ENAH: variants seen among roughly 807,000 people sequenced by gnomAD.
ENAH encodes the protein ENAH actin regulator, also known as protein enabled homolog.
In ENAH, 23 loss-of-function variants were observed where a neutral mutation model predicts 78.7. That is an observed-to-expected ratio of 0.29 (90% CI 0.21 to 0.41). The LOEUF is 0.41. Among genes scored for constraint, ENAH ranks in the 10% least tolerant of loss-of-function variants. The pLI is 1.00. For missense variants in ENAH, 544 were observed against 691.0 expected (o/e 0.79, Z 2.39); for synonymous variants, 226 against 241.0 (o/e 0.94, Z 0.58).
At chr1:225,503,293 A>G (rs2151057303) in intron 11 of ENAH, among the ~76,000 whole-genome samples, 1 of 152,274 alleles carries the variant, frequency 6.6e-6, no homozygotes, top group Middle Eastern at 3.4e-3. Context: ...ACTACATTTA[A>G]AAAATATATG....
intron 1 of ENAH, among the ~76,000 whole-genome samples, chr1:225,617,359 C>T (rs1655952562): frequency 6.6e-6 from 1 of 152,102 alleles, no homozygotes; most frequent in African/African-American, 2.4e-5. Context: ...TCCTTTCATA[C>T]CACAAAAGAC....
intron 1 of ENAH, among the ~76,000 whole-genome samples, chr1:225,590,619 G>A (rs1248945225): frequency 6.6e-6 from 1 of 151,792 alleles, no homozygotes; most frequent in African/African-American, 2.4e-5. Flanking sequence ...CCCAGATGAA[G>A]GATACCAAAA....
At chr1:225,536,646 A>C (rs2096563121) in intron 3 of ENAH, among the ~76,000 whole-genome samples, 2 of 152,122 alleles carry the variant, frequency 1.3e-5, no homozygotes, top group Non-Finnish European at 2.9e-5. Flanking sequence ...AGTTTTAGAA[A>C]AATCAGAACC....
At chr1:225,589,827 T>G (rs1164280958) in intron 1 of ENAH, among the ~76,000 whole-genome samples, 1 of 152,142 alleles carries the variant, frequency 6.6e-6, no homozygotes, top group Non-Finnish European at 1.5e-5. Flanking sequence ...CCATTCTGTA[T>G]TCTTGAAATT....
At chr1:225,599,035 C>T (rs1188366877) in intron 1 of ENAH, among the ~76,000 whole-genome samples, 1 of 152,136 alleles carries the variant, frequency 6.6e-6, no homozygotes, top group African/African-American at 2.4e-5. Flanking sequence ...GGAAAACTGC[C>T]ATCAGGTGCC....
chr1:225,611,939 G>A (rs552625884), intron 1 of ENAH, among the ~76,000 whole-genome samples: 12 of 152,240 alleles, frequency 7.9e-5, no homozygotes, highest in East Asian at 3.9e-4. Flanking sequence ...TAATGTATTC[G>A]TGAGGATATG....
chr1:225,545,945 C>T (rs1460020685), intron 3 of ENAH, among the ~76,000 whole-genome samples: 1 of 119,908 alleles, frequency 8.3e-6, no homozygotes, highest in African/African-American at 3.2e-5. Flanking sequence ...TTTAAAGACA[C>T]AGGGCCTCAC....
chr1:225,498,225 C>T, intron 13 of ENAH, 122 bp downstream of exon 13: 1 of 746,444 alleles, frequency 1.3e-6, no homozygotes, highest in African/African-American at 1.8e-5. Flanking sequence ...CCTAAAAGGG[C>T]AGGACTATGG....
chr1:225,530,678 A>G, intron 3 of ENAH, 40 bp from the exon 4 acceptor site: 1 of 1,431,540 alleles, frequency 7.0e-7, no homozygotes, highest in East Asian at 2.3e-5. Context: ...CATTATTTTC[A>G]TATCTAGCTG....
chr1:225,527,978 C>T (rs1315647697), intron 4 of ENAH, among the ~76,000 whole-genome samples: 2 of 152,206 alleles, frequency 1.3e-5, no homozygotes, highest in East Asian at 3.9e-4. Context: ...CTCTAAAAGG[C>T]CATTTACCAG....
chr1:225,583,940 G>A (rs1210216946), intron 1 of ENAH, among the ~76,000 whole-genome samples: 1 of 152,082 alleles, frequency 6.6e-6, no homozygotes, highest in Non-Finnish European at 1.5e-5. Context: ...ATCACTTGAG[G>A]CCAGGGGTTC....
Position 225,494,388 on chromosome 1 carries a change from T to G in ENAH, c.*3387A>C, listed in dbSNP as rs1377328853. On this transcript the variant is annotated 3_prime_UTR_variant, in exon 14 of 14. Transcript: ENST00000366843. ...TTTTGCTATACTTAAAATTCATTAC[T>G]CAATAATGCCCTTTACCACACAATG... 2.0e-5 allele frequency: 3 copies of G among 152,304 alleles called. No individual in the cohort carries two copies. Among genetic ancestry groups the G allele is most frequent in the Non-Finnish European group, 4.4e-5 (3 of 68,004 alleles). 9.4% of individuals were successfully genotyped at this position (152,304 alleles called of 1,614,324 possible).
rs544941047 is a variant in ENAH at position 225,613,673 on chromosome 1, T to C, written c.5+39013A>G. 5.9e-5 allele frequency among the ~76,000 whole-genome samples: 9 copies of C among 152,060 alleles called. No homozygotes were observed. The South Asian group carries it at 8.3e-4, about 14-fold the overall frequency. ...CAGCCATAACAACAAAAATAACTAA[T>C]TATAAACTCTTCCTAATAAGGGATA... On this transcript the variant is annotated intron_variant, in intron 1 of 13. Coordinates refer to ENST00000366843, the MANE Select transcript of ENAH (RefSeq NM_018212.6).
chr1:225,616,315 ATGATC>A, intron 1 of ENAH, among the ~76,000 whole-genome samples: 1 of 151,678 alleles, frequency 6.6e-6, no homozygotes, highest in African/African-American at 2.4e-5. Context: ...ACACCCAAGA[ATGATC>A]AATAAATACT....
At chr1:225,566,246 AGTTTTTTTGTGT>A (rs2096734249) in intron 2 of ENAH, among the ~76,000 whole-genome samples, 1 of 151,524 alleles carries the variant, frequency 6.6e-6, no homozygotes, top group Non-Finnish European at 1.5e-5. Context: ...TAAGATTGCT[AGTTTTTTTGTGT>A]GTTTTTTTGT....
intron 4 of ENAH, among the ~76,000 whole-genome samples, chr1:225,528,107 G>A (rs2096518985): frequency 2.6e-5 from 4 of 152,056 alleles, no homozygotes; most frequent in Admixed American, 2.0e-4. Context: ...AATTAATTCA[G>A]TACCAGAAAC....
chr1:225,652,659 C>T, intron 1 of ENAH, 27 bp downstream of exon 1: 2 of 1,269,240 alleles, frequency 1.6e-6, no homozygotes, highest in Non-Finnish European at 2.0e-6. Context: ...AATGGCCCGC[C>T]CGGCCCCCGC....
intron 1 of ENAH, among the ~76,000 whole-genome samples, chr1:225,650,729 A>G (rs1366691210): frequency 6.6e-6 from 1 of 151,822 alleles, no homozygotes; most frequent in East Asian, 1.9e-4. Flanking sequence ...ACCCGCCTGT[A>G]ATCCCAGCTA....
At chr1:225,560,161 CA>C (rs1381632170) in intron 2 of ENAH, among the ~76,000 whole-genome samples, 2 of 151,632 alleles carry the variant, frequency 1.3e-5, no homozygotes, top group Non-Finnish European at 2.9e-5. Context: ...AGAACCTAGG[CA>C]AATCTGAACT....
Sources: allele counts gnomAD v4.1 joint callset (sites outside exome capture counted in the v4.1 genomes callset), GRCh38; gene constraint gnomAD v4.1.1; transcripts MANE v1.5; gene names NCBI Gene and HGNC (gene_info 2026-07-23, HGNC 2026-07-21).